Variants in PCDHGA10 observed in about 807,000 individuals in gnomAD.
The protein encoded by PCDHGA10 is protocadherin gamma subfamily A, 10, also known as protocadherin gamma-A10.
A neutral mutation model predicts 59.5 loss-of-function variants in PCDHGA10; 42 were observed. The ratio of observed to expected loss-of-function variants is 0.71; its 90% CI spans 0.55 to 0.91. PCDHGA10 has a LOEUF of 0.91. Among genes scored for constraint, PCDHGA10 ranks in the 40% least tolerant of loss-of-function variants. The pLI is 0.00. For missense variants in PCDHGA10, 1,111 were observed against 1,198.2 expected (o/e 0.93, Z 1.07); for synonymous variants, 511 against 517.2 (o/e 0.99, Z 0.16).
Position 141,511,669 on chromosome 5 carries a change from T to C in PCDHGA10, c.*496T>C, listed in dbSNP as rs1468492336. 1 of 199,424 alleles carries C rather than the reference T, an allele frequency of 5.0e-6. No individual in the cohort carries two copies. The highest frequency in any genetic ancestry group is 2.3e-5 in the African/African-American group (1 of 43,748). The allele number at this position is 199,424 out of a possible 1,614,324, so 12.4% of individuals were successfully genotyped here. ...TCTTGGCCTCTCCTTTGATTCTCAA[T>C]CTTCCCCCAAAGCATGGTTTGGTGC... On this transcript the variant is annotated 3_prime_UTR_variant, in exon 4 of 4. Coordinates refer to ENST00000398610, the MANE Select transcript of PCDHGA10 (RefSeq NM_018913.3).
intron 1 of PCDHGA10, among the ~76,000 whole-genome samples, chr5:141,425,629 C>G (rs1297803997): frequency 1.3e-5 from 2 of 152,162 alleles, no homozygotes; most frequent in Admixed American, 1.3e-4. Flanking sequence ...CTCCAGTTTT[C>G]TCTGATAAAA....
At position 141,490,735 on chromosome 5, in the gene PCDHGA10, C is replaced by T; in HGVS notation, c.2437-4072C>T. The T allele has an allele frequency of 2.5e-6, 4 of 1,614,194 alleles. No individual in the cohort carries two copies. Among genetic ancestry groups the T allele is most frequent in the Non-Finnish European group, 2.5e-6 (3 of 1,180,018 alleles). ...CTACTCCATTGTAGGAAATCAGGTTCAGGGAGCCCCAGCCTCCTCCTTTGT... is the reference window on the plus strand; with the variant it reads ...CTACTCCATTGTAGGAAATCAGGTTTAGGGAGCCCCAGCCTCCTCCTTTGT... On this transcript the variant is annotated intron_variant, in intron 1 of 3. Transcript: ENST00000398610. This position sits in a 1 kb window ranked among gnomAD's most constrained non-coding sequence, Gnocchi z 5.4.
Position 141,423,964 on chromosome 5 carries a change from A to G in PCDHGA10, c.2436+8353A>G, listed in dbSNP as rs569611136. On this transcript the variant is annotated intron_variant, in intron 1 of 3. Coordinates refer to ENST00000398610, the MANE Select transcript of PCDHGA10 (RefSeq NM_018913.3). ...AGTTGAATTTTAGTATTATTTTTCT[A>G]TTATCAGTGTATGAGGCTCTCAATT... The G allele has an allele frequency of 5.2e-5, 61 of 1,163,648 alleles. 2 individuals carry two copies. In the South Asian group the frequency reaches 1.7e-3, roughly 32 times the overall value. 72.1% of individuals were successfully genotyped at this position (1,163,648 alleles called of 1,614,324 possible).
chr5:141,506,444 CAAAAAA>C (rs1219684339), intron 3 of PCDHGA10, among the ~76,000 whole-genome samples: 1 of 95,026 alleles, frequency 1.1e-5, no homozygotes, highest in African/African-American at 4.0e-5. Flanking sequence ...CGCTCTGTCT[CAAAAAA>C]AAAAAAAAAA....
chr5:141,491,641 C>T lies in PCDHGA10; in HGVS notation c.2437-3166C>T. Reference sequence around the variant, plus strand: ...CCTCAGCGTTCAGCAGCCCACAGCTCTGGCGCTGGAGCCTGACGCCATCCG... The same window carrying T: ...CCTCAGCGTTCAGCAGCCCACAGCTTTGGCGCTGGAGCCTGACGCCATCCG... On this transcript the variant is annotated intron_variant, in intron 1 of 3. Coordinates refer to ENST00000398610, the MANE Select transcript of PCDHGA10 (RefSeq NM_018913.3). The surrounding 1 kb of genome is among the most constrained non-coding windows in gnomAD (Gnocchi z 6.9). The T allele has an allele frequency of 6.2e-7, 1 of 1,613,896 alleles. No homozygotes were observed. Among genetic ancestry groups the T allele is most frequent in the Non-Finnish European group, 8.5e-7 (1 of 1,180,018 alleles).
chr5:141,413,652 G>A lies in PCDHGA10; in HGVS notation c.477G>A (p.Pro159=). Residue 159 remains proline (P), a synonymous_variant, in exon 1 of 4, where the codon CCG becomes CCA. Transcript: ENST00000398610. ...CTGCGGGAATGCGTTTTCCTCTCCC[G>A]GAAGCTATTGATCCGGATGTGGGCG... ...NVAAGMRFPL[P]EAIDPDVGVN... is the part of the protein sequence containing the mutation. The A allele has an allele frequency of 6.2e-7, 1 of 1,613,780 alleles. No individual in the cohort carries two copies. Among genetic ancestry groups the A allele is most frequent in the Non-Finnish European group, 8.5e-7 (1 of 1,179,868 alleles).
chr5:141,415,584 T>C lies in PCDHGA10; in HGVS notation c.2409T>C (p.Phe803=), dbSNP rs763238799. 7.4e-6 allele frequency: 12 copies of C among 1,614,012 alleles called. No individual in the cohort carries two copies. In the South Asian group the frequency reaches 1.3e-4, roughly 18 times the overall value. ...TGTCTTTGTTAGATGATTCGAAGTT[T>C]CCTATAGAGGATACCCCATTGGTTC... ...DPLSLLDDSK[F]PIEDTPLVPQ... Residue 803 remains phenylalanine, a synonymous_variant, in exon 1 of 4, where the codon TTT becomes TTC. Coordinates refer to ENST00000398610, the MANE Select transcript of PCDHGA10 (RefSeq NM_018913.3).
In PCDHGA10 at chr5:141,512,237, G is replaced by A. The variant is rs2099884134; in HGVS notation, c.*1064G>A. ...AGGACCAGGTCCCCTTGAGAGGTCA[G>A]AGGGGCCTCTGTGGGTGCTGGGTAC... On this transcript the variant is annotated 3_prime_UTR_variant, in exon 4 of 4. Transcript: ENST00000398610. 1 of 152,774 alleles carries A rather than the reference G, an allele frequency of 6.5e-6. No homozygotes were observed. The highest frequency in any genetic ancestry group is 1.5e-5 in the Non-Finnish European group (1 of 68,148). The allele number at this position is 152,774 out of a possible 1,614,324, so 9.5% of individuals were successfully genotyped here.
intron 1 of PCDHGA10, chr5:141,423,241 G>C: frequency 6.2e-7 from 1 of 1,613,954 alleles, no homozygotes; most frequent in Non-Finnish European, 8.5e-7. Context: ...CATCCCCGAA[G>C]TCCTGGCGGA....
chr5:141,470,650 T>C (rs2099235744), intron 1 of PCDHGA10, among the ~76,000 whole-genome samples: 1 of 152,184 alleles, frequency 6.6e-6, no homozygotes, highest in Non-Finnish European at 1.5e-5. Context: ...TGAAGGCCCC[T>C]ACCCTTTGGT....
intron 1 of PCDHGA10, chr5:141,417,624 G>A (rs2096138947): frequency 1.5e-6 from 1 of 672,584 alleles, no homozygotes; most frequent in Non-Finnish European, 2.4e-6. Flanking sequence ...CAGAGCAAGC[G>A]CTGACGCCGG....
chr5:141,462,646 A>G (rs1371582710), intron 1 of PCDHGA10, among the ~76,000 whole-genome samples: 1 of 137,316 alleles, frequency 7.3e-6, no homozygotes, highest in Non-Finnish European at 1.5e-5. Flanking sequence ...TTTCATTTCC[A>G]TCCTCAATTA....
chr5:141,431,228 G>C lies in PCDHGA10; in HGVS notation c.2436+15617G>C, dbSNP rs772199359. The stretch of plus-strand genomic sequence containing the variant: ...TGAGATGCGGTTCCCTCTACCCCAC[G>C]CCTGGGATCCGGATATCGGGAAGAA... On this transcript the variant is annotated intron_variant, in intron 1 of 3. Coordinates refer to ENST00000398610, the MANE Select transcript of PCDHGA10 (RefSeq NM_018913.3). The surrounding 1 kb of genome is among the most constrained non-coding windows in gnomAD (Gnocchi z 4.8). The C allele has an allele frequency of 1.9e-6, 3 of 1,614,000 alleles. No individual in the cohort carries two copies. The African/African-American group carries it at 4.0e-5, about 22-fold the overall frequency.
At chr5:141,505,993 T>TGCGA (rs2099849805) in intron 3 of PCDHGA10, among the ~76,000 whole-genome samples, 1 of 152,188 alleles carries the variant, frequency 6.6e-6, no homozygotes, top group African/African-American at 2.4e-5. Context: ...CTCCTCTTTA[T>TGCGA]GCGAGGCTCC....
intron 1 of PCDHGA10, chr5:141,428,329 A>G (rs928788851): frequency 4.8e-6 from 3 of 627,180 alleles, no homozygotes; most frequent in South Asian, 3.5e-5. Context: ...CTTGATTTCT[A>G]TGCTCTTCTT....
rs756706355 is a variant in PCDHGA10 at position 141,486,950 on chromosome 5, G to C, written c.2437-7857G>C. 6.2e-7 allele frequency: 1 copy of C among 1,614,202 alleles called. No homozygotes were observed. Among genetic ancestry groups the C allele is most frequent in the East Asian group, 2.2e-5 (1 of 44,876 alleles). On this transcript the variant is annotated intron_variant, in intron 1 of 3. Coordinates refer to ENST00000398610, the MANE Select transcript of PCDHGA10 (RefSeq NM_018913.3). The surrounding 1 kb of genome is among the most constrained non-coding windows in gnomAD (Gnocchi z 5.0). ...TGGTGCTGGCCACCTAATCACAAAG[G>C]TGACTGCTGTGGACTTGGATTCAGG...
intron 3 of PCDHGA10, 61 bp downstream of exon 3, chr5:141,505,542 A>G (rs2099846540): frequency 6.2e-7 from 1 of 1,604,832 alleles, no homozygotes; most frequent in African/African-American, 1.3e-5. Context: ...GGTGCATCTC[A>G]CAGCCACCAT....
Position 141,477,209 on chromosome 5 carries a change from G to A in PCDHGA10, c.2437-17598G>A. ...CGTGTACAGCCCAGTACCCGAGGAT[G>A]CCCCTCTGGGGACTGTCATCGCTTT... is the stretch of plus-strand genomic sequence containing the variant. On this transcript the variant is annotated intron_variant, in intron 1 of 3. Coordinates refer to ENST00000398610, the MANE Select transcript of PCDHGA10 (RefSeq NM_018913.3). This position sits in a 1 kb window ranked among gnomAD's most constrained non-coding sequence, Gnocchi z 4.9. The A allele has an allele frequency of 6.2e-7, 1 of 1,614,194 alleles. No homozygotes were observed.
chr5:141,433,328 G>A (rs965877578), intron 1 of PCDHGA10: 3 of 724,464 alleles, frequency 4.1e-6, no homozygotes, highest in African/African-American at 3.6e-5. Context: ...GGTGTAACAG[G>A]GACTACAGGT....
Sources: allele counts gnomAD v4.1 joint callset (sites outside exome capture counted in the v4.1 genomes callset), GRCh38; gene constraint gnomAD v4.1.1; non-coding constraint Gnocchi (gnomAD v3.1); transcripts MANE v1.5; gene names NCBI Gene and HGNC (gene_info 2026-07-23, HGNC 2026-07-21).